PABPN1L: variants seen among roughly 807,000 people sequenced by gnomAD.
PABPN1L encodes the protein embryonic polyadenylate-binding protein 2.
In PABPN1L, 45 loss-of-function variants were observed where a neutral mutation model predicts 34.0. The observed-to-expected ratio is 1.32, with a 90% CI of 1.04 to 1.70. The LOEUF (loss-of-function observed/expected upper bound fraction) is 1.70, where lower values mean the gene tolerates loss of function less well. Among genes scored for constraint, PABPN1L ranks in the 40% most tolerant of loss-of-function variants. The pLI, the probability that PABPN1L is intolerant of heterozygous loss-of-function variation, is 0.00. For synonymous variants in PABPN1L, 182 were observed against 152.1 expected (o/e 1.20, Z -1.45); for missense variants, 459 against 367.8 (o/e 1.25, Z -2.03).
chr16:88,865,926 T>C (rs895766066), exon 2 of PABPN1L: 4 of 1,607,462 alleles, frequency 2.5e-6, no homozygotes, highest in East Asian at 2.2e-5. Flanking sequence ...ACCTTCATCT[T>C]GATGGCCTCC....
At chr16:88,864,886 C>A (rs1376429206) in exon 5 of PABPN1L, 1 of 1,611,624 alleles carries the variant, frequency 6.2e-7, no homozygotes, top group Non-Finnish European at 8.5e-7. Flanking sequence ...GGCTCTGGTC[C>A]AGCTCCACGG....
At chr16:88,868,408 G>A (rs995438708), upstream of PABPN1L, among the ~76,000 whole-genome samples, 3 of 152,120 alleles carry the variant, frequency 2.0e-5, no homozygotes, top group African/African-American at 7.2e-5. Flanking sequence ...TTCAAAACCA[G>A]CCTGGCCAAC....
At chr16:88,865,202 G>T (rs1968560957) in intron 3 of PABPN1L, 74 bp from the exon 4 acceptor site, 5 of 1,464,148 alleles carry the variant, frequency 3.4e-6, no homozygotes, top group Non-Finnish European at 4.6e-6. Flanking sequence ...TAGAGGTGAG[G>T]AAAGAAACCC....
exon 7 of PABPN1L, chr16:88,863,664 C>T (rs769427048): frequency 4.1e-5 from 60 of 1,465,904 alleles, no homozygotes; most frequent in South Asian, 4.8e-5. Context: ...GCCTCGCCCC[C>T]GCGCCACTCC....
chr16:88,866,649 T>C, upstream of PABPN1L: 3 of 1,492,220 alleles, frequency 2.0e-6, no homozygotes, highest in Non-Finnish European at 2.7e-6. Context: ...AGGCCTCCCC[T>C]CCACTCCCCT....
chr16:88,866,272 C>G (rs770018508), intron 1 of PABPN1L, 80 bp downstream of exon 1: 36 of 1,482,826 alleles, frequency 2.4e-5, no homozygotes, highest in African/African-American at 5.6e-5. Context: ...TGCAGCCATC[C>G]GTCACCCAGA....
upstream of PABPN1L, among the ~76,000 whole-genome samples, chr16:88,868,531 G>A (rs1384279360): frequency 1.3e-5 from 2 of 152,086 alleles, no homozygotes; most frequent in African/African-American, 2.4e-5. Flanking sequence ...ACTTGAACCC[G>A]GGAGGCAGAG....
chr16:88,865,182 G>C, intron 3 of PABPN1L, 54 bp from the exon 4 acceptor site: 1 of 1,528,108 alleles, frequency 6.5e-7, no homozygotes, highest in Non-Finnish European at 8.9e-7. Flanking sequence ...CTGACTCGGG[G>C]CCTTCTTGTT....
At chr16:88,869,377 C>T (rs1176846315), upstream of PABPN1L, among the ~76,000 whole-genome samples, 1 of 152,248 alleles carries the variant, frequency 6.6e-6, no homozygotes, top group Non-Finnish European at 1.5e-5. Context: ...GGACGCTGTT[C>T]CCCCTGCGAA....
At chr16:88,864,583 G>A (rs927702190) in intron 5 of PABPN1L, among the ~76,000 whole-genome samples, 4 of 151,766 alleles carry the variant, frequency 2.6e-5, no homozygotes, top group East Asian at 1.9e-4. Flanking sequence ...GGGGGGTCAC[G>A]GCCAGCACCC....
chr16:88,865,529 C>T (rs550013561), intron 3 of PABPN1L, 34 bp downstream of exon 3: 158 of 1,596,122 alleles, frequency 9.9e-5, no homozygotes, highest in East Asian at 4.8e-4. Context: ...GGGCCCCATT[C>T]GCTGCCTGCC....
At chr16:88,867,175 A>T (rs1968621500), upstream of PABPN1L, among the ~76,000 whole-genome samples, 1 of 149,154 alleles carries the variant, frequency 6.7e-6, no homozygotes, top group African/African-American at 2.5e-5. Context: ...CCTGACCCCC[A>T]TGGAGTCCCC....
intron 2 of PABPN1L, 27 bp downstream of exon 2, chr16:88,865,779 G>C: frequency 6.3e-7 from 1 of 1,588,614 alleles, no homozygotes; most frequent in South Asian, 1.1e-5. Flanking sequence ...TGCTCAGTGG[G>C]GGGCGGCCTG....
At chr16:88,866,834 G>A (rs1454519727), upstream of PABPN1L, among the ~76,000 whole-genome samples, 1 of 152,248 alleles carries the variant, frequency 6.6e-6, no homozygotes, top group African/African-American at 2.4e-5. Flanking sequence ...CCTGGAGGAA[G>A]GAGAGGCTGA....
chr16:88,865,632 T>C lies in PABPN1L; in HGVS notation c.392-2A>G. 1 of 1,606,346 alleles carries C rather than the reference T, an allele frequency of 6.2e-7. No homozygotes were observed. The highest frequency in any genetic ancestry group is 2.2e-5 in the East Asian group (1 of 44,698). On this transcript the variant is annotated splice_acceptor_variant, in intron 2 of 6. Transcript: ENST00000419291. LOFTEE classifies it high-confidence loss of function. Reference sequence around the variant, plus strand: ...CGGGGGTCCCAGAGAGGGGGCAGCCTGCGGAGAACACAGCTCAGGCCCGCA... The same window carrying C: ...CGGGGGTCCCAGAGAGGGGGCAGCCCGCGGAGAACACAGCTCAGGCCCGCA...
intron 5 of PABPN1L, among the ~76,000 whole-genome samples, 191 bp from the exon 6 acceptor site, chr16:88,864,570 A>ACGGCCAGCACCCCTGCAG (rs1968539521): frequency 7.7e-6 from 1 of 130,430 alleles, no homozygotes; most frequent in African/African-American, 3.2e-5. Context: ...ACCCCTGCAG[A>ACGGCCAGCACCCCTGCAG]GGGGGGGGTC....
At chr16:88,867,702 T>A (rs1968630933), upstream of PABPN1L, among the ~76,000 whole-genome samples, 1 of 152,170 alleles carries the variant, frequency 6.6e-6, no homozygotes, top group Admixed American at 6.5e-5. Context: ...TGTCTGCACC[T>A]GGCTTCACCC....
rs2143019927 is a variant in PABPN1L at position 88,864,958 on chromosome 16, G to GAGGGA, written c.567-19_567-18insTCCCT. 1.3e-6 allele frequency: 2 copies of GAGGGA among 1,564,486 alleles called. No individual in the cohort carries two copies. Among genetic ancestry groups the GAGGGA allele is most frequent in the Non-Finnish European group, 1.8e-6 (2 of 1,140,256 alleles). ...AGGCATAACTGAGGGGAGGGGCAGGGAGGGGAGGGGTGAGGCTGGGCCCTG... is the reference window on the plus strand; with the variant it reads ...AGGCATAACTGAGGGGAGGGGCAGGGAGGGAAGGGGAGGGGTGAGGCTGGGCCCTG... On this transcript the variant is annotated intron_variant, in intron 4 of 6. Coordinates refer to ENST00000419291, the Ensembl canonical transcript of PABPN1L.
chr16:88,865,983 C>A, intron 1 of PABPN1L, 42 bp from the exon 2 acceptor site: 2 of 1,571,122 alleles, frequency 1.3e-6, no homozygotes, highest in Non-Finnish European at 8.6e-7. Flanking sequence ...AGCCTGCAGG[C>A]TCTGCTCAAG....
Sources: gnomAD v4.1 joint callset for allele counts (sites outside exome capture counted in the v4.1 genomes callset) on GRCh38, gnomAD v4.1.1 for gene constraint, MANE v1.5 for transcripts, NCBI Gene and HGNC (gene_info 2026-07-23, HGNC 2026-07-21) for gene names.